The following CDH4 variants were observed in gnomAD, a reference collection of about 807,000 sequenced individuals.
The protein encoded by CDH4 is cadherin 4, also known as cadherin-4.
CDH4 carries 33 observed loss-of-function variants against 86.0 expected under a neutral mutation model. That is an observed-to-expected ratio of 0.38 (90% CI 0.29 to 0.51). The LOEUF (loss-of-function observed/expected upper bound fraction) is 0.51. Among genes scored for constraint, CDH4 ranks in the 20% least tolerant of loss-of-function variants. The pLI is 0.86. For missense variants in CDH4, 1,114 were observed against 1,307.4 expected (o/e 0.85, Z 2.28); for synonymous variants, 555 against 549.4 (o/e 1.01, Z -0.14).
Position 61,269,962 on chromosome 20 carries a change from G to A in CDH4, c.169+15025G>A, listed in dbSNP as rs576271974. ...CTGGCCCCCAGATGTGGAGAGGGCC[G>A]GCCGACCTTTGCGGCAGTCATTTTT... On this transcript the variant is annotated intron_variant, in intron 2 of 15. Transcript: ENST00000614565. The surrounding 1 kb of genome is among the most constrained non-coding windows in gnomAD (Gnocchi z 5.3). 4.6e-5 allele frequency among the ~76,000 whole-genome samples: 7 copies of A among 152,300 alleles called. No homozygotes were observed. Among genetic ancestry groups the A allele is most frequent in the South Asian group, 4.1e-4 (2 of 4,832 alleles).
chr20:61,705,582 G>A (rs371681786), intron 2 of CDH4, among the ~76,000 whole-genome samples: 5 of 152,086 alleles, frequency 3.3e-5, no homozygotes, highest in East Asian at 1.9e-4. Flanking sequence ...TTCCAAGGAC[G>A]CTCTGTCAGG....
chr20:61,859,222 A>G (rs1357005755), intron 6 of CDH4, among the ~76,000 whole-genome samples: 2 of 152,136 alleles, frequency 1.3e-5, no homozygotes, highest in South Asian at 2.1e-4. Context: ...ACGACTCTTC[A>G]TGGCTTTCGT....
At chr20:61,611,547 C>CT (rs1319944678) in intron 2 of CDH4, among the ~76,000 whole-genome samples, 1 of 152,038 alleles carries the variant, frequency 6.6e-6, no homozygotes, top group East Asian at 1.9e-4. Context: ...CACCTCTTTG[C>CT]TGGGACCTCA....
At chr20:61,907,611 G>A (rs527635902) in intron 8 of CDH4, among the ~76,000 whole-genome samples, 1 of 152,192 alleles carries the variant, frequency 6.6e-6, no homozygotes, top group African/African-American at 2.4e-5. Context: ...CCTGCTGGGG[G>A]ACGATCTGAC....
intron 2 of CDH4, among the ~76,000 whole-genome samples, chr20:61,533,383 C>A (rs540978186): frequency 6.6e-6 from 1 of 152,224 alleles, no homozygotes; most frequent in Non-Finnish European, 1.5e-5. Context: ...GTGGCTGCAA[C>A]CCGCTGATGT....
At chr20:61,375,988 G>C (rs2084869314) in intron 2 of CDH4, among the ~76,000 whole-genome samples, 4 of 148,934 alleles carry the variant, frequency 2.7e-5, no homozygotes, top group Admixed American at 2.7e-4. Flanking sequence ...GTTTGTTGAT[G>C]GTAGTGTGAT....
At chr20:61,461,626 G>A (rs188439514) in intron 2 of CDH4, among the ~76,000 whole-genome samples, 13 of 152,212 alleles carry the variant, frequency 8.5e-5, no homozygotes, top group East Asian at 5.8e-4. Context: ...GGCCCGCAAC[G>A]GGGGAGTGAG....
chr20:61,401,595 A>G (rs1268385953), intron 2 of CDH4, among the ~76,000 whole-genome samples: 1 of 152,164 alleles, frequency 6.6e-6, no homozygotes, highest in Non-Finnish European at 1.5e-5. Flanking sequence ...AGGTTTTCAA[A>G]TGTCCGATCT....
intron 2 of CDH4, among the ~76,000 whole-genome samples, chr20:61,297,825 C>T (rs1028577509): frequency 6.6e-6 from 1 of 152,264 alleles, no homozygotes; most frequent in African/African-American, 2.4e-5. Flanking sequence ...GAGCAGGCGC[C>T]CTTGGCTGAA....
At chr20:61,336,111 C>G (rs2084615666) in intron 2 of CDH4, among the ~76,000 whole-genome samples, 1 of 152,176 alleles carries the variant, frequency 6.6e-6, no homozygotes, top group Admixed American at 6.5e-5. Flanking sequence ...CTCATCAGCT[C>G]TCCCGCCTGG....
intron 2 of CDH4, among the ~76,000 whole-genome samples, chr20:61,613,506 C>A (rs1346814176): frequency 6.6e-6 from 1 of 150,688 alleles, no homozygotes; most frequent in East Asian, 2.0e-4. Context: ...ATCACCTCCA[C>A]AGTGGTGTTA....
intron 2 of CDH4, among the ~76,000 whole-genome samples, chr20:61,720,734 T>A (rs537515831): frequency 6.6e-6 from 1 of 152,176 alleles, no homozygotes; most frequent in African/African-American, 2.4e-5. Context: ...CTCCTCCCTA[T>A]TCAGCTAAAC....
At chr20:61,426,616 T>C (rs6061915) in intron 2 of CDH4, among the ~76,000 whole-genome samples, 9,739 of 152,296 alleles carry the variant, frequency 0.064, 1,036 homozygotes, top group African/African-American at 0.22. Context: ...GTCACGGAAA[T>C]TCTGCATCAG....
intron 2 of CDH4, among the ~76,000 whole-genome samples, chr20:61,364,246 C>T (rs992470074): frequency 1.3e-5 from 2 of 152,134 alleles, no homozygotes; most frequent in Admixed American, 6.5e-5. Flanking sequence ...TGGGAAGTGA[C>T]GTCTCCCAGG....
chr20:61,447,624 C>CTTTTTTT (rs11204461), intron 2 of CDH4, among the ~76,000 whole-genome samples: 1 of 102,036 alleles, frequency 9.8e-6, no homozygotes, highest in Non-Finnish European at 1.9e-5. Flanking sequence ...ATTCTACTTC[C>CTTTTTTT]TTTTTTTTTT....
At chr20:61,456,321 G>T (rs538690751) in intron 2 of CDH4, among the ~76,000 whole-genome samples, 1 of 152,320 alleles carries the variant, frequency 6.6e-6, no homozygotes, top group South Asian at 2.1e-4. Flanking sequence ...GTTGGCTTTT[G>T]GAAGAACATT....
chr20:61,309,046 A>G lies in CDH4; in HGVS notation c.169+54109A>G, dbSNP rs546632390. On this transcript the variant is annotated intron_variant, in intron 2 of 15. Coordinates refer to ENST00000614565, the MANE Select transcript of CDH4 (RefSeq NM_001794.5). ...TTTTCGGGCCCAGAACACAGTGAAA[A>G]TTTGGAGCCCCTTGTTAAAAAATTA... Among the ~76,000 whole-genome samples the G allele has an allele frequency of 2.6e-5, 4 of 152,340 alleles. No individual in the cohort carries two copies. The East Asian group carries it at 5.8e-4, about 22-fold the overall frequency.
intron 4 of CDH4, among the ~76,000 whole-genome samples, chr20:61,831,606 A>G (rs1033905015): frequency 3.3e-5 from 5 of 152,184 alleles, no homozygotes; most frequent in African/African-American, 1.2e-4. Context: ...TGTCCTCATC[A>G]AACTTTGATG....
chr20:61,686,734 C>T (rs897068108), intron 2 of CDH4, among the ~76,000 whole-genome samples: 5 of 141,322 alleles, frequency 3.5e-5, no homozygotes, highest in African/African-American at 5.3e-5. Context: ...TGCCTTCGTG[C>T]GTGTGTGTGC....
Sources: allele counts gnomAD v4.1 joint callset (sites outside exome capture counted in the v4.1 genomes callset), GRCh38; gene constraint gnomAD v4.1.1; non-coding constraint Gnocchi (gnomAD v3.1); transcripts MANE v1.5; gene names NCBI Gene and HGNC (gene_info 2026-07-23, HGNC 2026-07-21).